The following MTFR1L variants were observed in gnomAD, a reference collection of about 807,000 sequenced individuals.
MTFR1L encodes the protein mitochondrial fission regulator 1-like.
A neutral mutation model predicts 27.9 loss-of-function variants in MTFR1L; 10 were observed. The ratio of observed to expected loss-of-function variants is 0.36; its 90% confidence interval spans 0.22 to 0.61. The LOEUF is 0.61. MTFR1L is among the 20% of genes least tolerant of loss of function. MTFR1L has a pLI of 0.73. For missense variants in MTFR1L, 315 were observed against 363.7 expected, an observed-to-expected ratio of 0.87 and a Z score of 1.09; for synonymous variants, 151 against 139.4, an observed-to-expected ratio of 1.08 and a Z score of -0.58.
chr1:25,820,858 G>A (rs1382859581), intron 1 of MTFR1L: 1 of 380,664 alleles, frequency 2.6e-6, no homozygotes, highest in Non-Finnish European at 5.0e-6. Flanking sequence ...CGAGGACTCC[G>A]AGGGACAGGC....
In MTFR1L at chr1:25,832,239, A is replaced by G. The variant is rs2048254874; in HGVS notation, c.*213A>G. 4 of 1,400,424 alleles carry G rather than the reference A, an allele frequency of 2.9e-6. No individual in the cohort carries two copies. Among genetic ancestry groups the G allele is most frequent in the South Asian group, 2.5e-5 (2 of 80,722 alleles). The allele number at this position is 1,400,424 out of a possible 1,614,324, so 86.7% of individuals were successfully genotyped here. A position where few individuals can be genotyped will look rare whatever the true frequency, so the allele number is the denominator to read the frequency against. On this transcript the variant is annotated 3_prime_UTR_variant, in exon 7 of 7. Transcript: ENST00000374303. Reference sequence around the variant, plus strand: ...TAAGGCTTGTGATTTGACCTGAGACATTTGTTTCAGGTAATCGTGTAGAAT... The same window carrying G: ...TAAGGCTTGTGATTTGACCTGAGACGTTTGTTTCAGGTAATCGTGTAGAAT...
chr1:25,821,521 A>T (rs2048092115), intron 1 of MTFR1L: 1 of 152,284 alleles, frequency 6.6e-6, no homozygotes, highest in Admixed American at 6.5e-5. Flanking sequence ...GTGTATCGTG[A>T]AGTGAATGAC....
Position 25,832,118 on chromosome 1 carries a change from A to T in MTFR1L, c.*92A>T, listed in dbSNP as rs2048252224. 5 of 1,602,276 alleles carry T rather than the reference A, an allele frequency of 3.1e-6. No individual in the cohort carries two copies. The highest frequency in any genetic ancestry group is 3.4e-5 in the Admixed American group (2 of 58,082). On this transcript the variant is annotated 3_prime_UTR_variant, in exon 7 of 7. Coordinates refer to ENST00000374303, the MANE Select transcript of MTFR1L (RefSeq NM_001099625.2). ...GCAGATGTTTCTGCCTCTTAAGGAT[A>T]GATCTTCTGCAACAGTCTTGCTGAC... is the stretch of plus-strand genomic sequence containing the variant.
chr1:25,831,823 G>A (rs536600405), intron 6 of MTFR1L, 98 bp from the exon 7 acceptor site: 7 of 1,042,014 alleles, frequency 6.7e-6, no homozygotes, highest in Middle Eastern at 2.7e-4. Flanking sequence ...CACCTACCTC[G>A]TAAGATTGTT....
At chr1:25,822,892 T>C in intron 1 of MTFR1L, 127 bp from the exon 2 acceptor site, 1 of 715,266 alleles carries the variant, frequency 1.4e-6, no homozygotes, top group African/African-American at 1.8e-5. Context: ...GGCAGCCTCT[T>C]GGGCTGGTTT....
At chr1:25,823,341 TAC>T in intron 2 of MTFR1L, 1 of 724,498 alleles carries the variant, frequency 1.4e-6, no homozygotes. Context: ...TGCCTTTCTG[TAC>T]AGAGGACGGG....
chr1:25,832,407 TCA>T lies in MTFR1L; in HGVS notation c.*383_*384del. ...AAGACACTTTGTGCCCAGCTGTCAC[TCA>T]CTCAGCAGCTTCCTTGCAGCAGAGC... On this transcript the variant is annotated 3_prime_UTR_variant, in exon 7 of 7. Transcript: ENST00000374303. 2.3e-6 allele frequency: 1 copy of T among 437,376 alleles called. No homozygotes were observed. The highest frequency in any genetic ancestry group is 2.3e-5 in the South Asian group (1 of 43,056). The allele number at this position is 437,376 out of a possible 1,614,324, so 27.1% of individuals were successfully genotyped here. A position where few individuals can be genotyped will look rare whatever the true frequency, so the allele number is the denominator to read the frequency against.
chr1:25,822,973 A>G (rs965847120), intron 1 of MTFR1L, 46 bp from the exon 2 acceptor site: 2 of 1,532,234 alleles, frequency 1.3e-6, no homozygotes, highest in Non-Finnish European at 1.8e-6. Context: ...TTAAATCCCC[A>G]CTGTGGGGGG....
At chr1:25,830,233 G>A (rs748437260) in intron 6 of MTFR1L, among the ~76,000 whole-genome samples, 19 of 152,144 alleles carry the variant, frequency 1.2e-4, no homozygotes, top group Non-Finnish European at 1.8e-4. Flanking sequence ...TTGGTGGGAG[G>A]AGAATTTCAT....
At chr1:25,831,894 G>A (rs1275742039) in intron 6 of MTFR1L, 27 bp from the exon 7 acceptor site, 3 of 1,564,622 alleles carry the variant, frequency 1.9e-6, no homozygotes, top group Non-Finnish European at 2.6e-6. Flanking sequence ...GAAAGAGTAA[G>A]TACTCAAGCT....
intron 1 of MTFR1L, 72 bp downstream of exon 1, chr1:25,820,101 T>G (rs1270520487): frequency 4.6e-6 from 2 of 438,896 alleles, no homozygotes; most frequent in African/African-American, 4.1e-5. Context: ...TGGGTCTACG[T>G]GCCGGGCGCT....
intron 1 of MTFR1L, chr1:25,820,276 C>G (rs2124465644): frequency 2.2e-6 from 1 of 455,998 alleles, no homozygotes; most frequent in East Asian, 7.0e-5. Flanking sequence ...TTCGGCTTCG[C>G]TGCTTGACGG....
chr1:25,830,569 C>T (rs1022257110), intron 6 of MTFR1L, among the ~76,000 whole-genome samples: 4 of 152,198 alleles, frequency 2.6e-5, no homozygotes, highest in African/African-American at 9.7e-5. Context: ...AACAGCTGCA[C>T]AGGACTCACC....
Position 25,823,723 on chromosome 1 carries a change from A to G in MTFR1L, c.104A>G (p.Lys35Arg), listed in dbSNP as rs1021989561. ...AGAATTGGGACCAACCTACCCTTGA[A>G]GCCGTGTGCCCGGGCGTCCTTTGAG... is the stretch of plus-strand genomic sequence containing the variant. ...VRRIGTNLPLKPCARASFETL... is the reference protein window; with the variant it reads ...VRRIGTNLPLRPCARASFETL... The change falls in exon 3 of 7, where the codon AAG becomes AGG. Residue 35 changes from lysine to arginine, a missense_variant. Physicochemically the swap from Lys to Arg is conservative, Grantham distance 26. Transcript: ENST00000374303. 2.5e-6 allele frequency: 4 copies of G among 1,614,084 alleles called. No homozygotes were observed. In the Admixed American group the frequency reaches 6.7e-5, roughly 27 times the overall value.
intron 3 of MTFR1L, among the ~76,000 whole-genome samples, chr1:25,825,478 T>C (rs1238190531): frequency 1.3e-5 from 2 of 152,200 alleles, no homozygotes; most frequent in Admixed American, 1.3e-4. Context: ...TCAACATGAC[T>C]GAATCCTAAT....
intron 1 of MTFR1L, chr1:25,820,255 A>G (rs1185993493): frequency 4.4e-6 from 2 of 455,666 alleles, no homozygotes; most frequent in Non-Finnish European, 8.8e-6. Context: ...GCCAGACCTC[A>G]GGCTTCTAGT....
Position 25,832,637 on chromosome 1 carries a change from A to T in MTFR1L, c.*611A>T, listed in dbSNP as rs2048261431. The stretch of plus-strand genomic sequence containing the variant: ...CTGGGCTGTTTTTTTTCTTAAACAC[A>T]TTTTATATTACTGAACAACCAAATC... On this transcript the variant is annotated 3_prime_UTR_variant, in exon 7 of 7. Coordinates refer to ENST00000374303, the MANE Select transcript of MTFR1L (RefSeq NM_001099625.2). 6.0e-6 allele frequency: 1 copy of T among 166,752 alleles called. No individual in the cohort carries two copies. The highest frequency in any genetic ancestry group is 1.3e-5 in the Non-Finnish European group (1 of 74,842). 10.3% of individuals were successfully genotyped at this position (166,752 alleles called of 1,614,324 possible). A position where few individuals can be genotyped will look rare whatever the true frequency, so the allele number is the denominator to read the frequency against.
intron 3 of MTFR1L, among the ~76,000 whole-genome samples, chr1:25,824,722 T>C (rs1242825236): frequency 1.3e-5 from 2 of 151,852 alleles, no homozygotes; most frequent in African/African-American, 2.4e-5. Context: ...CTATCCAGAA[T>C]TGTCTAAAGA....
chr1:25,822,975 T>G, intron 1 of MTFR1L, 44 bp from the exon 2 acceptor site: 1 of 1,535,948 alleles, frequency 6.5e-7, no homozygotes, highest in Non-Finnish European at 9.0e-7. Flanking sequence ...AAATCCCCAC[T>G]GTGGGGGGTT....
Sources: allele counts gnomAD v4.1 joint callset (sites outside exome capture counted in the v4.1 genomes callset), GRCh38; gene constraint gnomAD v4.1.1; transcripts MANE v1.5; gene names NCBI Gene and HGNC (gene_info 2026-07-23, HGNC 2026-07-21).